NBEA: variants seen among roughly 807,000 people sequenced by gnomAD.
The protein encoded by NBEA is neurobeachin.
In NBEA, 44 loss-of-function variants were observed where a neutral mutation model predicts 343.4. The ratio of observed to expected loss-of-function variants is 0.13; its 90% CI spans 0.10 to 0.16. NBEA has a LOEUF of 0.16. NBEA is among the 10% of genes least tolerant of loss of function. The probability of loss-of-function intolerance (pLI) is 1.00; values close to 1 mark genes in which losing one functional copy is unlikely to be tolerated. For synonymous variants in NBEA, 1,175 were observed against 1,238.7 expected, an observed-to-expected ratio of 0.95 and a Z score of 1.08; for missense variants, 2,555 against 3,631.3, an observed-to-expected ratio of 0.70 and a Z score of 7.62.
chr13:35,305,407 A>G (rs1021754453), intron 35 of NBEA, among the ~76,000 whole-genome samples: 2 of 151,952 alleles, frequency 1.3e-5, no homozygotes, highest in Non-Finnish European at 2.9e-5. Context: ...TTCTTTTCTT[A>G]TAGTATGTTT....
chr13:35,254,495 A>C (rs1041848620), intron 34 of NBEA, among the ~76,000 whole-genome samples: 1 of 151,578 alleles, frequency 6.6e-6, no homozygotes, highest in South Asian at 2.1e-4. Flanking sequence ...TTTTTTAAAA[A>C]ATTTTTTGTG....
chr13:35,096,747 G>A (rs1438926923), intron 10 of NBEA, among the ~76,000 whole-genome samples: 1 of 151,860 alleles, frequency 6.6e-6, no homozygotes, highest in Non-Finnish European at 1.5e-5. Context: ...CTAGGCAGAA[G>A]TGTTAGGTGT....
At chr13:35,559,961 T>C (rs923383589) in intron 44 of NBEA, among the ~76,000 whole-genome samples, 8 of 152,050 alleles carry the variant, frequency 5.3e-5, no homozygotes, top group African/African-American at 1.9e-4. Context: ...AAACATTTCT[T>C]TGTTAATAAT....
chr13:35,102,861 GTTTT>G (rs1006479233), intron 11 of NBEA, among the ~76,000 whole-genome samples: 30 of 151,416 alleles, frequency 2.0e-4, no homozygotes, highest in African/African-American at 6.8e-4. Context: ...TAATTTTAGG[GTTTT>G]TTTCCTTGCC....
At chr13:35,104,208 C>A (rs1300556544) in intron 11 of NBEA, among the ~76,000 whole-genome samples, 2 of 151,992 alleles carry the variant, frequency 1.3e-5, no homozygotes, top group South Asian at 4.1e-4. Flanking sequence ...ATGCTTCATT[C>A]AGGATTTTGC....
At chr13:35,084,857 G>T (rs887752980) in intron 10 of NBEA, among the ~76,000 whole-genome samples, 3 of 151,972 alleles carry the variant, frequency 2.0e-5, no homozygotes, top group East Asian at 1.9e-4. Flanking sequence ...AAGAAGAAAA[G>T]AGAGAAGAAT....
chr13:35,384,282 T>C (rs2042138867), intron 38 of NBEA, among the ~76,000 whole-genome samples: 1 of 152,208 alleles, frequency 6.6e-6, no homozygotes, highest in African/African-American at 2.4e-5. Context: ...TATACCTAAA[T>C]GGATTCTCTC....
At chr13:35,089,323 T>C (rs972858837) in intron 10 of NBEA, among the ~76,000 whole-genome samples, 2 of 150,668 alleles carry the variant, frequency 1.3e-5, no homozygotes, top group Non-Finnish European at 3.0e-5. Context: ...TCATCATCAC[T>C]GGCCATCAGA....
intron 41 of NBEA, among the ~76,000 whole-genome samples, chr13:35,507,443 T>C (rs1484664582): frequency 1.3e-5 from 2 of 152,150 alleles, no homozygotes; most frequent in Non-Finnish European, 2.9e-5. Flanking sequence ...TTCAAATGCC[T>C]ACCTGGCATT....
At position 35,015,121 on chromosome 13, in the gene NBEA, A is replaced by C. The variant is rs1593467979; in HGVS notation, c.295-25812A>C. 3.5e-5 allele frequency among the ~76,000 whole-genome samples: 4 copies of C among 113,988 alleles called. No individual in the cohort carries two copies. The East Asian group carries it at 1.2e-3, about 35-fold the overall frequency. 74.8% of individuals were successfully genotyped at this position (113,988 alleles called of 152,430 possible). A position where few individuals can be genotyped will look rare whatever the true frequency, so the allele number is the denominator to read the frequency against. ...CCTCCCTTCTCAACAAAAAGCAACG[A>C]GATCTGAAAAAAAAAAAACAAACAA... On this transcript the variant is annotated intron_variant, in intron 1 of 58. Coordinates refer to ENST00000379939, the MANE Select transcript of NBEA (RefSeq NM_001385012.1).
chr13:35,323,898 A>C (rs2152842606), intron 36 of NBEA, among the ~76,000 whole-genome samples: 1 of 152,040 alleles, frequency 6.6e-6, no homozygotes, highest in African/African-American at 2.4e-5. Context: ...ATATTTTTCC[A>C]TTTCTTATTT....
chr13:35,462,744 T>C (rs1040144885), intron 40 of NBEA, among the ~76,000 whole-genome samples: 4 of 151,988 alleles, frequency 2.6e-5, no homozygotes, highest in African/African-American at 4.8e-5. Flanking sequence ...CTCAAGTAAA[T>C]TGGCAGCAGG....
chr13:34,970,562 G>T (rs2059966188), intron 1 of NBEA, among the ~76,000 whole-genome samples: 1 of 152,082 alleles, frequency 6.6e-6, no homozygotes, highest in South Asian at 2.1e-4. Context: ...TTTGTATATG[G>T]TAAAAGGAAG....
At chr13:35,267,834 A>G (rs1300116397) in intron 34 of NBEA, among the ~76,000 whole-genome samples, 1 of 151,466 alleles carries the variant, frequency 6.6e-6, no homozygotes, top group Non-Finnish European at 1.5e-5. Flanking sequence ...TATTTAAAAA[A>G]AAAAAAAGAA....
At chr13:35,567,213 A>G (rs976583099) in intron 45 of NBEA, among the ~76,000 whole-genome samples, 196 bp downstream of exon 45, 6 of 152,250 alleles carry the variant, frequency 3.9e-5, no homozygotes, top group Non-Finnish European at 8.8e-5. Flanking sequence ...GTACTAGCAT[A>G]GGCAAAATGA....
At chr13:34,948,172 C>T (rs984484386) in intron 1 of NBEA, among the ~76,000 whole-genome samples, 4 of 152,076 alleles carry the variant, frequency 2.6e-5, no homozygotes, top group African/African-American at 9.7e-5. Flanking sequence ...TGTAGTGGTA[C>T]CTCAGTTTTC....
rs190299692 is a variant in NBEA at position 35,302,749 on chromosome 13, T to C, written c.5839-6779T>C. 7.2e-5 allele frequency among the ~76,000 whole-genome samples: 11 copies of C among 152,364 alleles called. No homozygotes were observed. In the East Asian group the frequency reaches 2.1e-3, roughly 29 times the overall value. ...TGGCTAAACTTCTAGAATTAAAGTC[T>C]TGTTTCCTTAATGTTGTAGTATAGT... On this transcript the variant is annotated intron_variant, in intron 35 of 58. Transcript: ENST00000379939.
chr13:34,985,365 A>T (rs1212113635), intron 1 of NBEA, among the ~76,000 whole-genome samples: 1 of 151,164 alleles, frequency 6.6e-6, no homozygotes, highest in Non-Finnish European at 1.5e-5. Context: ...ATGTTGAACC[A>T]GCCTGGTATC....
intron 46 of NBEA, among the ~76,000 whole-genome samples, chr13:35,585,131 T>TAAAAAAAGAAAAAA (rs1555309808): frequency 1.4e-5 from 1 of 71,448 alleles, no homozygotes; most frequent in Non-Finnish European, 2.4e-5. Flanking sequence ...TCACTGACCT[T>TAAAAAAAGAAAAAA]AAAAAAAAAA....
Sources: allele counts gnomAD v4.1 joint callset (sites outside exome capture counted in the v4.1 genomes callset), GRCh38; gene constraint gnomAD v4.1.1; transcripts MANE v1.5; gene names NCBI Gene and HGNC (gene_info 2026-07-23, HGNC 2026-07-21).